TMEM97: variants seen among roughly 807,000 people sequenced by gnomAD.
TMEM97 encodes sigma intracellular receptor 2.
A neutral mutation model predicts 18.3 loss-of-function variants in TMEM97; 13 were observed. That is an observed-to-expected ratio of 0.71 (90% confidence interval 0.46 to 1.13). The LOEUF is 1.13. TMEM97 is among the 50% of genes most tolerant of loss of function. TMEM97 has a pLI of 0.00. For missense variants in TMEM97, 205 were observed against 210.5 expected (o/e 0.97, Z 0.16); for synonymous variants, 76 against 85.3 (o/e 0.89, Z 0.60).
rs1177096585 is a variant in TMEM97 at position 28,319,289 on chromosome 17, A to G, written c.50A>G (p.Tyr17Cys). 2 of 1,610,590 alleles carry G rather than the reference A, an allele frequency of 1.2e-6. No homozygotes were observed. The highest frequency in any genetic ancestry group is 1.3e-5 in the African/African-American group (1 of 74,714). Residue 17 changes from tyrosine to cysteine, a missense_variant, in exon 1 of 3, where the codon TAC becomes TGC. Coordinates refer to ENST00000226230, the MANE Select transcript of TMEM97 (RefSeq NM_014573.3). ...TGCGTGGAGTGGCTGCTGGGCCTCT[A>G]CTTCCTCAGCCACATCCCCATCACC... ...RRCVEWLLGL[Y>C]FLSHIPITLF...
rs1230816773 is a variant in TMEM97, at chr17:28,328,337, CAA to C, written c.*1548_*1549del. 1.6e-4 allele frequency: 41 copies of C among 258,578 alleles called. No homozygotes were observed. The East Asian group carries it at 3.3e-3, about 21-fold the overall frequency. The allele number at this position is 258,578 out of a possible 1,614,324, so 16.0% of individuals were successfully genotyped here. On this transcript the variant is annotated 3_prime_UTR_variant, in exon 3 of 3. Coordinates refer to ENST00000226230, the MANE Select transcript of TMEM97 (RefSeq NM_014573.3). ...AAAGGTACATCAAGCCATTTGAAAA[CAA>C]AAATTTATTGCTTCTCCTTCCAAAG...
chr17:28,319,228 A>G lies in TMEM97; in HGVS notation c.-12A>G, dbSNP rs1555574648. On this transcript the variant is annotated 5_prime_UTR_variant, in exon 1 of 3. Coordinates refer to ENST00000226230, the MANE Select transcript of TMEM97 (RefSeq NM_014573.3). ...TTCTCACATCAGCGGGTCCAGGCCC[A>G]ACCGACAGACTATGGGGGCTCCGGC... 5 of 1,600,108 alleles carry G rather than the reference A, an allele frequency of 3.1e-6. No homozygotes were observed. Among genetic ancestry groups the G allele is most frequent in the Non-Finnish European group, 4.3e-6 (5 of 1,172,848 alleles).
intron 1 of TMEM97, 30 bp from the exon 2 acceptor site, chr17:28,325,473 G>T (rs373962522): frequency 6.2e-7 from 1 of 1,610,722 alleles, no homozygotes; most frequent in African/African-American, 1.3e-5. Flanking sequence ...GCAAGTGGCT[G>T]TAATTCATCA....
intron 1 of TMEM97, 44 bp from the exon 2 acceptor site, chr17:28,325,459 G>A (rs782352460): frequency 6.2e-7 from 1 of 1,605,944 alleles, no homozygotes; most frequent in South Asian, 1.1e-5. Context: ...CGAGCCTGTT[G>A]AGGGCAAGTG....
intron 1 of TMEM97, chr17:28,324,577 T>C (rs1438942159): frequency 6.6e-6 from 1 of 152,232 alleles, no homozygotes; most frequent in African/African-American, 2.4e-5. Flanking sequence ...GGAGGTTAAA[T>C]GTGACAAACG....
At chr17:28,321,914 A>G (rs1432872669) in intron 1 of TMEM97, among the ~76,000 whole-genome samples, 3 of 151,158 alleles carry the variant, frequency 2.0e-5, no homozygotes, top group Non-Finnish European at 4.4e-5. Flanking sequence ...TGATGTTTGA[A>G]GGCATTAGCT....
At position 28,324,344 on chromosome 17, in the gene TMEM97, G is replaced by A. The variant is rs1288733962; in HGVS notation, c.127-1159G>A. ...TCTGAAATTAATAATATGCTAACAG[G>A]ATATTTGTTTCTGGATGTTTGCTTA... On this transcript the variant is annotated intron_variant, in intron 1 of 2. Transcript: ENST00000226230. Among the ~76,000 whole-genome samples the A allele has an allele frequency of 2.6e-5, 4 of 152,334 alleles. No individual in the cohort carries two copies. The South Asian group carries it at 6.2e-4, about 24-fold the overall frequency.
At chr17:28,321,309 TGTC>T (rs563254120) in intron 1 of TMEM97, among the ~76,000 whole-genome samples, 155 of 152,348 alleles carry the variant, frequency 1.0e-3, no homozygotes, top group Non-Finnish European at 1.9e-3. Context: ...TCACAGCTGT[TGTC>T]TTCTTTATCC....
rs142800471 is a variant in TMEM97, at chr17:28,327,144, TTG to T, written c.*360_*361del. The stretch of plus-strand genomic sequence containing the variant: ...GTATGGCTAATTTGTTTTGTTTTTT[TTG>T]TGTGTGTGGAGACAGGGTTTTGCCA... On this transcript the variant is annotated 3_prime_UTR_variant, in exon 3 of 3. Transcript: ENST00000226230. 6.4e-3 allele frequency: 1,399 copies of T among 220,226 alleles called. 15 individuals are homozygous for T. The highest frequency in any genetic ancestry group is 0.03 in the African/African-American group (1,325 of 43,960). 13.6% of individuals were successfully genotyped at this position (220,226 alleles called of 1,614,324 possible).
chr17:28,325,388 G>A, intron 1 of TMEM97, 115 bp from the exon 2 acceptor site: 1 of 1,356,458 alleles, frequency 7.4e-7, no homozygotes, highest in Non-Finnish European at 1.0e-6. Flanking sequence ...TGCTGCCGGG[G>A]TAGTGGGGGG....
rs1555575383 is a variant in TMEM97 at position 28,325,637 on chromosome 17, C to T, written c.261C>T (p.Ala87=). The change falls in exon 2 of 3, where the codon GCC becomes GCT. Residue 87 remains alanine, a synonymous_variant. Coordinates refer to ENST00000226230, the MANE Select transcript of TMEM97 (RefSeq NM_014573.3). The stretch of plus-strand genomic sequence containing the variant: ...CTTTCTTTCCCATTGCAACGTATGC[C>T]TTCCTCAAAGGTTGGTAAATGGTGG... ...QLPFFPIATY[A]FLKGSCKWIR... 2.5e-6 allele frequency: 4 copies of T among 1,614,134 alleles called. No individual in the cohort carries two copies. Among genetic ancestry groups the T allele is most frequent in the Non-Finnish European group, 3.4e-6 (4 of 1,180,024 alleles).
chr17:28,320,569 G>A (rs1187775952), intron 1 of TMEM97, among the ~76,000 whole-genome samples: 1 of 152,202 alleles, frequency 6.6e-6, no homozygotes, highest in East Asian at 1.9e-4. Context: ...CTCAACTGTT[G>A]AGAGAGTTGA....
At chr17:28,326,456 A>T (rs1205162675) in intron 2 of TMEM97, 78 bp from the exon 3 acceptor site, 1 of 1,513,988 alleles carries the variant, frequency 6.6e-7, no homozygotes, top group African/African-American at 1.4e-5. Flanking sequence ...GCAGGCAGGC[A>T]GAGACAGTGG....
In TMEM97 at chr17:28,328,303, A is replaced by G. The variant is rs1906457396; in HGVS notation, c.*1510A>G. The G allele has an allele frequency of 4.3e-6, 1 of 234,354 alleles. No individual in the cohort carries two copies. The highest frequency in any genetic ancestry group is 2.3e-5 in the African/African-American group (1 of 42,608). 14.5% of individuals were successfully genotyped at this position (234,354 alleles called of 1,614,324 possible). A position where few individuals can be genotyped will look rare whatever the true frequency, so the allele number is the denominator to read the frequency against. ...GAGGAGTTAAACATATTTCAAGAGC[A>G]ACAGGAAAAAAGGTACATCAAGCCA... On this transcript the variant is annotated 3_prime_UTR_variant, in exon 3 of 3. Transcript: ENST00000226230.
chr17:28,320,230 T>C (rs1906090871), intron 1 of TMEM97, among the ~76,000 whole-genome samples: 1 of 152,194 alleles, frequency 6.6e-6, no homozygotes, highest in Non-Finnish European at 1.5e-5. Context: ...ATGCTTTTTA[T>C]CTGCCGAGGA....
At chr17:28,325,887 T>C (rs1423992048) in intron 2 of TMEM97, 19 of 555,454 alleles carry the variant, frequency 3.4e-5, no homozygotes, top group South Asian at 1.9e-4. Flanking sequence ...TGCATACACA[T>C]GAAGCCTGAG....
chr17:28,321,475 C>T (rs1407625561), intron 1 of TMEM97, among the ~76,000 whole-genome samples: 1 of 152,134 alleles, frequency 6.6e-6, no homozygotes, highest in Non-Finnish European at 1.5e-5. Context: ...GGTCCTTTGT[C>T]ACCCAGGCTT....
rs1555575832 is a variant in TMEM97 at position 28,328,188 on chromosome 17, C to T, written c.*1395C>T. 6.3e-6 allele frequency: 1 copy of T among 159,008 alleles called. No individual in the cohort carries two copies. Among genetic ancestry groups the T allele is most frequent in the African/African-American group, 2.4e-5 (1 of 41,478 alleles). 9.8% of individuals were successfully genotyped at this position (159,008 alleles called of 1,614,324 possible). A position where few individuals can be genotyped will look rare whatever the true frequency, so the allele number is the denominator to read the frequency against. ...TGGCCCGATTAGTGGTACTGTCTGA[C>T]TCACGTGTGTGATCCAAATAAAGGT... is the stretch of plus-strand genomic sequence containing the variant. On this transcript the variant is annotated 3_prime_UTR_variant, in exon 3 of 3. Coordinates refer to ENST00000226230, the MANE Select transcript of TMEM97 (RefSeq NM_014573.3).
chr17:28,321,833 T>TGTGC (rs1206841327), intron 1 of TMEM97, among the ~76,000 whole-genome samples: 15 of 151,102 alleles, frequency 9.9e-5, no homozygotes, highest in Admixed American at 9.9e-4. Flanking sequence ...TGTGTGTGTG[T>TGTGC]GTGTGTGTGT....
Sources: allele counts gnomAD v4.1 joint callset (sites outside exome capture counted in the v4.1 genomes callset), GRCh38; gene constraint gnomAD v4.1.1; transcripts MANE v1.5; gene names NCBI Gene and HGNC (gene_info 2026-07-23, HGNC 2026-07-21).